NTRK2: variants seen among roughly 807,000 people sequenced by gnomAD.
NTRK2 encodes the protein neurotrophic receptor tyrosine kinase 2, also known as BDNF/NT-3 growth factors receptor.
In NTRK2, 13 loss-of-function variants were observed where a neutral mutation model predicts 94.5. That is an observed-to-expected ratio of 0.14 (90% CI 0.09 to 0.22). The LOEUF is 0.22. NTRK2 is among the 10% of genes least tolerant of loss of function. The pLI is 1.00. For synonymous variants in NTRK2, 372 were observed against 407.4 expected, an observed-to-expected ratio of 0.91 and a Z score of 1.05; for missense variants, 639 against 1,071.2, an observed-to-expected ratio of 0.60 and a Z score of 5.63.
At chr9:84,788,930 G>T (rs1051151102) in intron 12 of NTRK2, among the ~76,000 whole-genome samples, 7 of 152,164 alleles carry the variant, frequency 4.6e-5, no homozygotes, top group African/African-American at 2.4e-5. Context: ...GGTAAGTAGC[G>T]CATCCTCTAC....
At chr9:84,961,321 T>C (rs1010297213) in intron 17 of NTRK2, among the ~76,000 whole-genome samples, 1 of 152,218 alleles carries the variant, frequency 6.6e-6, no homozygotes, top group African/African-American at 2.4e-5. Context: ...CATGAACAAT[T>C]ATAGATCTTT....
At chr9:84,925,474 A>G (rs893016521) in intron 14 of NTRK2, among the ~76,000 whole-genome samples, 3 of 152,026 alleles carry the variant, frequency 2.0e-5, no homozygotes, top group African/African-American at 7.2e-5. Context: ...ATCATGATCC[A>G]TGGCCCTCTC....
At chr9:84,966,386 T>G (rs2133093032) in intron 17 of NTRK2, among the ~76,000 whole-genome samples, 1 of 152,346 alleles carries the variant, frequency 6.6e-6, no homozygotes, top group Non-Finnish European at 1.5e-5. Flanking sequence ...CACAAGCTTC[T>G]TAGCTGAGTC....
chr9:84,916,253 G>T (rs144593260), intron 14 of NTRK2, among the ~76,000 whole-genome samples: 3 of 152,034 alleles, frequency 2.0e-5, no homozygotes, highest in Non-Finnish European at 2.9e-5. Context: ...GAAATAAAAT[G>T]GAACCATTTG....
intron 16 of NTRK2, among the ~76,000 whole-genome samples, chr9:84,952,520 C>T (rs1394744539): frequency 6.6e-6 from 1 of 152,128 alleles, no homozygotes; most frequent in African/African-American, 2.4e-5. Flanking sequence ...TAAGACTTCA[C>T]GAGGACCTGG....
chr9:84,928,498 C>T (rs1296208432), intron 14 of NTRK2, among the ~76,000 whole-genome samples: 2 of 152,064 alleles, frequency 1.3e-5, no homozygotes, highest in Admixed American at 6.5e-5. Context: ...AAATGAAATA[C>T]CTGTTTTCAC....
intron 2 of NTRK2, among the ~76,000 whole-genome samples, chr9:84,673,691 G>C (rs2058848699): frequency 6.6e-6 from 1 of 151,482 alleles, no homozygotes; most frequent in African/African-American, 2.4e-5. Flanking sequence ...GGATCTTTTT[G>C]TTTTGTTTTG....
intron 15 of NTRK2, among the ~76,000 whole-genome samples, chr9:84,937,510 ATG>A (rs1381473857): frequency 1.3e-5 from 2 of 152,226 alleles, no homozygotes; most frequent in Admixed American, 1.3e-4. Context: ...ATCCTAAGGC[ATG>A]TGCACAACAC....
intron 17 of NTRK2, among the ~76,000 whole-genome samples, chr9:84,959,833 G>T (rs1227603504): frequency 2.6e-5 from 4 of 152,136 alleles, no homozygotes; most frequent in South Asian, 2.1e-4. Context: ...CACTCTACTT[G>T]GTCATGCCTG....
At chr9:84,757,883 G>GAT (rs1043154853) in intron 12 of NTRK2, among the ~76,000 whole-genome samples, 3 of 152,074 alleles carry the variant, frequency 2.0e-5, no homozygotes, top group Non-Finnish European at 2.9e-5. Flanking sequence ...TAGGAGGAAA[G>GAT]ATATATATGT....
At chr9:84,763,764 ATTTAAAAATGCCTTT>A (rs555024823) in intron 12 of NTRK2, among the ~76,000 whole-genome samples, 1 of 152,302 alleles carries the variant, frequency 6.6e-6, no homozygotes, top group Admixed American at 6.5e-5. Context: ...TTCCCCAGTG[ATTTAAAAATGCCTTT>A]TATAGTTACT....
chr9:84,984,458 C>T (rs971207155), intron 17 of NTRK2, among the ~76,000 whole-genome samples: 55 of 151,132 alleles, frequency 3.6e-4, no homozygotes, highest in African/African-American at 1.2e-3. Context: ...GGCGACAGAG[C>T]GAGACTATAT....
intron 12 of NTRK2, among the ~76,000 whole-genome samples, chr9:84,797,773 T>C (rs1351855969): frequency 8.4e-5 from 2 of 23,830 alleles, no homozygotes; most frequent in Non-Finnish European, 1.6e-4. Context: ...TAATAATATA[T>C]ATAATATATA....
chr9:84,842,145 C>G (rs1264932194), intron 12 of NTRK2, among the ~76,000 whole-genome samples: 1 of 152,206 alleles, frequency 6.6e-6, no homozygotes, highest in African/African-American at 2.4e-5. Flanking sequence ...CATACCATTA[C>G]ATTTCTTCTG....
chr9:84,721,571 G>A (rs530874935), intron 6 of NTRK2, among the ~76,000 whole-genome samples: 1 of 152,266 alleles, frequency 6.6e-6, no homozygotes, highest in African/African-American at 2.4e-5. Context: ...GGGGCCATGG[G>A]GAGGGCTGGC....
At chr9:84,954,201 G>A (rs2132955389) in intron 16 of NTRK2, among the ~76,000 whole-genome samples, 1 of 152,350 alleles carries the variant, frequency 6.6e-6, no homozygotes, top group African/African-American at 2.4e-5. Context: ...AGAAGCCCTT[G>A]GCCACGCCAG....
intron 15 of NTRK2, among the ~76,000 whole-genome samples, chr9:84,945,066 C>T (rs1157625256): frequency 6.6e-6 from 1 of 152,160 alleles, no homozygotes; most frequent in Non-Finnish European, 1.5e-5. Context: ...TGTCATTTTA[C>T]TGGAAGGGGA....
In NTRK2 at chr9:85,024,498, T is replaced by A. The variant is rs1166644302; in HGVS notation, c.*3061T>A. ...TTCCTATTTTGTGTAGATGAGGACG[T>A]TGAGACTCAGAGACATTCAGAGGCA... is the stretch of plus-strand genomic sequence containing the variant. On this transcript the variant is annotated 3_prime_UTR_variant, in exon 19 of 19. Transcript: ENST00000277120. 1.7e-5 allele frequency: 4 copies of A among 230,270 alleles called. No individual in the cohort carries two copies. Among genetic ancestry groups the A allele is most frequent in the Non-Finnish European group, 2.6e-5 (3 of 116,858 alleles). 14.3% of individuals were successfully genotyped at this position (230,270 alleles called of 1,614,324 possible).
chr9:84,670,711 G>T lies in NTRK2; in HGVS notation c.-38G>T, dbSNP rs2058645522. 2 of 1,600,776 alleles carry T rather than the reference G, an allele frequency of 1.2e-6. No homozygotes were observed. Among genetic ancestry groups the T allele is most frequent in the Non-Finnish European group, 1.7e-6 (2 of 1,173,062 alleles). The stretch of plus-strand genomic sequence containing the variant: ...GGTGGGGGAAAGCGGCCGGTGCAGC[G>T]CGGGGACAGGCACTCGGGCTGGCAC... On this transcript the variant is annotated 5_prime_UTR_variant, in exon 2 of 19. Transcript: ENST00000277120.
Sources: allele counts gnomAD v4.1 joint callset (sites outside exome capture counted in the v4.1 genomes callset), GRCh38; gene constraint gnomAD v4.1.1; transcripts MANE v1.5; gene names NCBI Gene and HGNC (gene_info 2026-07-23, HGNC 2026-07-21).